Variants in ZNF667 observed in about 807,000 individuals in gnomAD.
The protein encoded by ZNF667 is zinc finger protein 667.
ZNF667 carries 13 observed loss-of-function variants against 31.8 expected under a neutral mutation model. The ratio of observed to expected loss-of-function variants is 0.41; its 90% CI spans 0.27 to 0.65. The LOEUF (loss-of-function observed/expected upper bound fraction) is 0.65. Ranked by LOEUF, ZNF667 falls within the 30% of genes least tolerant of loss-of-function variation. ZNF667 has a pLI of 0.32. For missense variants in ZNF667, 642 were observed against 725.6 expected (o/e 0.88, Z 1.32); for synonymous variants, 228 against 247.1 (o/e 0.92, Z 0.73).
chr19:56,476,020 T>G (rs2043398338), intron 1 of ZNF667: 1 of 152,228 alleles, frequency 6.6e-6, no homozygotes. Flanking sequence ...AATAAAACGA[T>G]GATCATTGAT....
In ZNF667 at chr19:56,441,924, C is replaced by A; in HGVS notation, c.1071G>T (p.Pro357=). Residue 357 remains proline (P), a synonymous_variant, in exon 7 of 7, where the codon CCG becomes CCT. Coordinates refer to ENST00000504904, the MANE Select transcript of ZNF667 (RefSeq NM_001321356.2). This position sits in a 1 kb window ranked among gnomAD's most constrained non-coding sequence, Gnocchi z 4.2. ...ACTTGTCACATTTATCACATTTGTA[C>A]GGTTTCTCTGAAGTGTGAATTCTCT... The part of the protein sequence containing the change: ...LHQRIHTSEK[P]YKCDKCDKFF... 1.2e-6 allele frequency: 2 copies of A among 1,614,082 alleles called. No homozygotes were observed. The highest frequency in any genetic ancestry group is 8.5e-7 in the Non-Finnish European group (1 of 1,180,016).
chr19:56,448,889 G>A (rs2042761180), intron 6 of ZNF667, among the ~76,000 whole-genome samples: 1 of 152,086 alleles, frequency 6.6e-6, no homozygotes, highest in South Asian at 2.1e-4. Context: ...GTCAGACCCA[G>A]CACAGTCCCA....
At chr19:56,467,437 A>G (rs1455137560) in intron 3 of ZNF667, among the ~76,000 whole-genome samples, 1 of 152,212 alleles carries the variant, frequency 6.6e-6, no homozygotes, top group Non-Finnish European at 1.5e-5. Context: ...ATCCATGACC[A>G]CATGTGTGAG....
intron 4 of ZNF667, among the ~76,000 whole-genome samples, chr19:56,461,850 T>C (rs1057086168): frequency 1.3e-5 from 2 of 152,244 alleles, no homozygotes; most frequent in Admixed American, 6.5e-5. Context: ...CAGGGCTATG[T>C]GGTGCCTTTT....
intron 1 of ZNF667, among the ~76,000 whole-genome samples, chr19:56,476,124 G>A (rs571618124): frequency 2.4e-4 from 36 of 152,284 alleles, no homozygotes; most frequent in African/African-American, 8.7e-4. Flanking sequence ...ACCGAGGAGT[G>A]GTGGACTTAA....
rs754560967 is a variant in ZNF667 at position 56,442,433 on chromosome 19, G to A, written c.562C>T (p.Leu188=). The change falls in exon 7 of 7, where the codon CTA becomes TTA. Residue 188 remains leucine, a synonymous_variant. Transcript: ENST00000504904. ...RKAFRQISSI[L]LHQRIHSGKK... ...CCACTGTGAATTCTCTGATGAAGTA[G>A]GATGGATGAGATCTGTCTGAAAGCT... 3.1e-6 allele frequency: 5 copies of A among 1,613,980 alleles called. No individual in the cohort carries two copies. Among genetic ancestry groups the A allele is most frequent in the Middle Eastern group, 1.6e-4 (1 of 6,084 alleles).
intron 3 of ZNF667, chr19:56,468,647 C>G (rs954227930): frequency 2.0e-5 from 3 of 152,234 alleles, no homozygotes; most frequent in African/African-American, 7.2e-5. Flanking sequence ...TCTAAATTGA[C>G]TGAGACTTGT....
At position 56,440,509 on chromosome 19, in the gene ZNF667, A is replaced by C; in HGVS notation, c.*653T>G. ...ATATTTGATAATTCTAGATCTGAGA[A>C]ACAGACTCAAATTCTTTTTTCTGTG... On this transcript the variant is annotated 3_prime_UTR_variant, in exon 7 of 7. Coordinates refer to ENST00000504904, the MANE Select transcript of ZNF667 (RefSeq NM_001321356.2). 1 of 827,120 alleles carries C rather than the reference A, an allele frequency of 1.2e-6. No homozygotes were observed. Among genetic ancestry groups the C allele is most frequent in the Non-Finnish European group, 1.5e-6 (1 of 685,516 alleles). 51.2% of individuals were successfully genotyped at this position (827,120 alleles called of 1,614,324 possible).
intron 3 of ZNF667, among the ~76,000 whole-genome samples, chr19:56,464,487 C>A (rs1405736169): frequency 6.6e-6 from 1 of 152,178 alleles, no homozygotes; most frequent in Non-Finnish European, 1.5e-5. Flanking sequence ...GAGTGAGACC[C>A]TGTCTCAAAA....
chr19:56,459,836 C>T (rs1178269777), intron 5 of ZNF667, among the ~76,000 whole-genome samples: 1 of 152,004 alleles, frequency 6.6e-6, no homozygotes, highest in Non-Finnish European at 1.5e-5. Context: ...TACTAAAATA[C>T]AAAAAATCAG....
intron 3 of ZNF667, among the ~76,000 whole-genome samples, chr19:56,469,301 G>C (rs142565581): frequency 2.0e-5 from 3 of 152,182 alleles, no homozygotes; most frequent in Non-Finnish European, 4.4e-5. Context: ...GTCCTGCCTT[G>C]TTTTAGCCAG....
At chr19:56,462,575 T>G (rs2043069883) in intron 3 of ZNF667, 146 bp from the exon 4 acceptor site, 1 of 622,366 alleles carries the variant, frequency 1.6e-6, no homozygotes, top group Non-Finnish European at 2.9e-6. Flanking sequence ...CGCATTCCTG[T>G]CCCCCCTCAC....
In ZNF667 at chr19:56,441,057, TATC is replaced by T; in HGVS notation, c.*102_*104del. On this transcript the variant is annotated 3_prime_UTR_variant, in exon 7 of 7. Transcript: ENST00000504904. This position sits in a 1 kb window ranked among gnomAD's most constrained non-coding sequence, Gnocchi z 4.2. ...GCTCTTTGGCTTTCAAAGTGGGACA[TATC>T]ATCAAATGGTCCCATATACACAAAA... The T allele has an allele frequency of 6.8e-7, 1 of 1,477,762 alleles. No individual in the cohort carries two copies. Among genetic ancestry groups the T allele is most frequent in the Non-Finnish European group, 8.9e-7 (1 of 1,118,442 alleles). The allele number at this position is 1,477,762 out of a possible 1,614,324, so 91.5% of individuals were successfully genotyped here.
intron 6 of ZNF667, among the ~76,000 whole-genome samples, chr19:56,450,510 A>G (rs927309943): frequency 6.6e-6 from 1 of 152,220 alleles, no homozygotes; most frequent in African/African-American, 2.4e-5. Context: ...GCTAATGACG[A>G]ATAAAAAGTC....
intron 1 of ZNF667, chr19:56,475,165 C>T (rs922980454): frequency 2.6e-5 from 4 of 152,180 alleles, no homozygotes; most frequent in Non-Finnish European, 5.9e-5. Context: ...TTCAAAGTAC[C>T]TATCAGCACC....
At chr19:56,453,727 T>C (rs953661801) in intron 6 of ZNF667, among the ~76,000 whole-genome samples, 15 of 152,118 alleles carry the variant, frequency 9.9e-5, no homozygotes, top group African/African-American at 3.6e-4. Flanking sequence ...GCTAGTATAA[T>C]ACTGAATGGA....
chr19:56,472,877 G>A (rs2043322702), intron 2 of ZNF667: 1 of 152,096 alleles, frequency 6.6e-6, no homozygotes, highest in African/African-American at 2.4e-5. Flanking sequence ...CTGTTCAAGG[G>A]TCAACCACAT....
intron 6 of ZNF667, among the ~76,000 whole-genome samples, chr19:56,453,265 G>T (rs2042870802): frequency 6.6e-6 from 1 of 152,140 alleles, no homozygotes; most frequent in Non-Finnish European, 1.5e-5. Context: ...GGACCTGACA[G>T]CTTCACTGCT....
At chr19:56,458,358 A>G (rs1238399572) in intron 5 of ZNF667, 111 bp from the exon 6 acceptor site, 1 of 811,472 alleles carries the variant, frequency 1.2e-6, no homozygotes, top group Non-Finnish European at 2.1e-6. Flanking sequence ...GGGAGCACAG[A>G]GGATGTGAAG....
Sources: allele counts gnomAD v4.1 joint callset (sites outside exome capture counted in the v4.1 genomes callset), GRCh38; gene constraint gnomAD v4.1.1; non-coding constraint Gnocchi (gnomAD v3.1); transcripts MANE v1.5; gene names NCBI Gene and HGNC (gene_info 2026-07-23, HGNC 2026-07-21).